Variants in GLIS3 observed in about 807,000 individuals in gnomAD.
The protein encoded by GLIS3 is GLIS family zinc finger 3, also known as zinc finger protein GLIS3.
A neutral mutation model predicts 78.6 loss-of-function variants in GLIS3; 53 were observed. That is an observed-to-expected ratio of 0.67 (90% CI 0.54 to 0.85). The LOEUF (loss-of-function observed/expected upper bound fraction) is 0.85. Ranked by LOEUF, GLIS3 falls within the 40% of genes least tolerant of loss-of-function variation. The probability of loss-of-function intolerance (pLI) is 0.00; values close to 1 mark genes in which losing one functional copy is unlikely to be tolerated. For synonymous variants in GLIS3, 684 were observed against 509.9 expected, an observed-to-expected ratio of 1.34 and a Z score of -4.60; for missense variants, 1,703 against 1,231.1, an observed-to-expected ratio of 1.38 and a Z score of -5.74.
chr9:4,319,171 C>T (rs1056515430), intron 2 of GLIS3, among the ~76,000 whole-genome samples: 1 of 152,076 alleles, frequency 6.6e-6, no homozygotes, highest in Non-Finnish European at 1.5e-5. Context: ...AGAAAAAAAT[C>T]ACAAAATTGA....
intron 8 of GLIS3, among the ~76,000 whole-genome samples, chr9:3,868,984 C>T (rs760378127): frequency 6.6e-4 from 100 of 152,282 alleles, no homozygotes; most frequent in Non-Finnish European, 1.2e-3. Context: ...TATATCATCC[C>T]TTCATAATAC....
At chr9:4,311,654 G>T (rs1436696007) in intron 2 of GLIS3, among the ~76,000 whole-genome samples, 1 of 152,028 alleles carries the variant, frequency 6.6e-6, no homozygotes, top group East Asian at 1.9e-4. Context: ...GCAACATGGT[G>T]GCCCTGACCC....
the GLIS3 span, among the ~76,000 whole-genome samples, chr9:4,438,823 G>T: frequency 6.6e-6 from 1 of 152,112 alleles, no homozygotes; most frequent in Non-Finnish European, 1.5e-5. Flanking sequence ...ACATAATTGT[G>T]AGAACTCCCC....
At chr9:4,325,021 T>C (rs1035953850) in intron 2 of GLIS3, among the ~76,000 whole-genome samples, 28 of 152,176 alleles carry the variant, frequency 1.8e-4, no homozygotes, top group African/African-American at 6.8e-4. Flanking sequence ...GTAGGTACTA[T>C]TTTTGTCCAC....
chr9:4,336,838 G>T (rs1349086648), intron 2 of GLIS3, among the ~76,000 whole-genome samples: 1 of 152,122 alleles, frequency 6.6e-6, no homozygotes, highest in Non-Finnish European at 1.5e-5. Context: ...CTGCTAAAAA[G>T]ATCTATGAAA....
chr9:3,852,395 T>C (rs957697424), intron 9 of GLIS3, among the ~76,000 whole-genome samples: 7 of 152,230 alleles, frequency 4.6e-5, no homozygotes, highest in Admixed American at 2.0e-4. Context: ...TCACTTGAGC[T>C]ATTGCATTAG....
In GLIS3 at chr9:4,341,827, T is replaced by C. The variant is rs189303009; in HGVS notation, n.264+5254A>G. Among the ~76,000 whole-genome samples the C allele has an allele frequency of 1.6e-3, 251 of 152,314 alleles. 1 individual carries two copies. The highest frequency in any genetic ancestry group is 5.8e-3 in the African/African-American group (240 of 41,576). On this transcript the variant is annotated intron_variant and non_coding_transcript_variant, in intron 2 of 4. Coordinates refer to the GLIS3 transcript ENST00000471664. Reference sequence around the variant, plus strand: ...CGCTTTTTTTTCTGTCATCACCTTTTTCCCACGTTACTGATTAAATCTCAT... The same window carrying C: ...CGCTTTTTTTTCTGTCATCACCTTTCTCCCACGTTACTGATTAAATCTCAT...
the GLIS3 span, among the ~76,000 whole-genome samples, chr9:4,423,220 G>A: frequency 1.3e-5 from 2 of 152,274 alleles, no homozygotes; most frequent in South Asian, 2.1e-4. Flanking sequence ...CAGGTCTGGA[G>A]AGGATCCACA....
rs1397094629 is a variant in GLIS3, at chr9:4,118,008, G to A, written c.1470C>T (p.Asp490=). The A allele has an allele frequency of 3.1e-6, 5 of 1,608,056 alleles. No homozygotes were observed. Among genetic ancestry groups the A allele is most frequent in the Admixed American group, 1.7e-5 (1 of 59,946 alleles). ...LALPQATLDD[D]GEMDGIGGKH... is the part of the protein sequence containing the mutation. ...TGCCCCCGATGCCGTCCATCTCCCC[G>A]TCGTCGTCCAGGGTGGCCTGGGGCA... The change falls in exon 4 of 11, where the codon GAC becomes GAT. Residue 490 remains aspartate, a synonymous_variant. Transcript: ENST00000381971. The surrounding 1 kb of genome is among the most constrained non-coding windows in gnomAD (Gnocchi z 4.7).
At chr9:4,215,214 T>G (rs2131311020) in intron 2 of GLIS3, among the ~76,000 whole-genome samples, 1 of 152,280 alleles carries the variant, frequency 6.6e-6, no homozygotes, top group Non-Finnish European at 1.5e-5. Flanking sequence ...CATGAAAGCC[T>G]TCCAACCTCC....
chr9:4,106,771 CTCTCAGTGATTCA>C (rs1489646972), intron 4 of GLIS3, among the ~76,000 whole-genome samples: 2 of 152,158 alleles, frequency 1.3e-5, no homozygotes, highest in Non-Finnish European at 2.9e-5. Flanking sequence ...AATGGTAGAA[CTCTCAGTGATTCA>C]TCTATAACCT....
rs189305170 is a variant in GLIS3, at chr9:4,015,689, A to G, written c.1711-78500T>C. 1.2e-3 allele frequency among the ~76,000 whole-genome samples: 178 copies of G among 152,140 alleles called. 1 individual carries two copies. Among genetic ancestry groups the G allele is most frequent in the African/African-American group, 4.1e-3 (170 of 41,514 alleles). ...GATCACCTGAGGTCAGGAGTCTGAG[A>G]CCAGCCTGGCCAACAAGGTGAAACC... On this transcript the variant is annotated intron_variant, in intron 4 of 10. Coordinates refer to ENST00000381971, the MANE Select transcript of GLIS3 (RefSeq NM_001042413.2).
chr9:4,432,665 G>C, the GLIS3 span, among the ~76,000 whole-genome samples: 1 of 121,102 alleles, frequency 8.3e-6, no homozygotes, highest in East Asian at 2.4e-4. Flanking sequence ...TTTTGAGACA[G>C]AGTTTTGCTC....
intron 1 of GLIS3, among the ~76,000 whole-genome samples, chr9:4,292,828 T>C (rs145081070): frequency 1.3e-5 from 2 of 152,202 alleles, no homozygotes; most frequent in African/African-American, 4.8e-5. Flanking sequence ...CACAATGTCT[T>C]TGAGAACTGA....
intron 4 of GLIS3, among the ~76,000 whole-genome samples, chr9:4,061,949 G>A (rs1564000803): frequency 6.6e-6 from 1 of 152,148 alleles, no homozygotes; most frequent in Non-Finnish European, 1.5e-5. Context: ...AAGTCACATG[G>A]CAAAAGGGAG....
intron 2 of GLIS3, among the ~76,000 whole-genome samples, chr9:4,244,128 G>A (rs1823581919): frequency 6.6e-6 from 1 of 152,096 alleles, no homozygotes; most frequent in African/African-American, 2.4e-5. Context: ...ATCCTTCAGG[G>A]CCACCTCAGC....
At chr9:4,199,863 G>A (rs965275774) in intron 2 of GLIS3, among the ~76,000 whole-genome samples, 2 of 151,366 alleles carry the variant, frequency 1.3e-5, no homozygotes, top group African/African-American at 2.4e-5. Context: ...TATATTCTCT[G>A]CATCTACACA....
chr9:4,297,682 C>G (rs538967300), intron 1 of GLIS3, among the ~76,000 whole-genome samples: 1 of 152,294 alleles, frequency 6.6e-6, no homozygotes, highest in East Asian at 1.9e-4. Flanking sequence ...CTCCCTACCC[C>G]TTCCCCAGGT....
chr9:4,018,442 C>G (rs147170130), intron 4 of GLIS3, among the ~76,000 whole-genome samples: 2 of 152,270 alleles, frequency 1.3e-5, no homozygotes, highest in East Asian at 3.9e-4. Flanking sequence ...TTCCCATAAA[C>G]TAAAGGAACA....
Sources: gnomAD v4.1 joint callset for allele counts (sites outside exome capture counted in the v4.1 genomes callset) on GRCh38, gnomAD v4.1.1 for gene constraint, Gnocchi (gnomAD v3.1) non-coding constraint, MANE v1.5 for transcripts, NCBI Gene and HGNC (gene_info 2026-07-23, HGNC 2026-07-21) for gene names.